RAB5B: variants seen among roughly 807,000 people sequenced by gnomAD.
RAB5B encodes the protein RAB5B, member RAS oncogene family, also known as ras-related protein Rab-5B.
A neutral mutation model predicts 28.6 loss-of-function variants in RAB5B; 11 were observed. The ratio of observed to expected loss-of-function variants is 0.38; its 90% CI spans 0.24 to 0.64. RAB5B has a LOEUF of 0.64. Among genes scored for constraint, RAB5B ranks in the 30% least tolerant of loss-of-function variants. RAB5B has a pLI of 0.53. For synonymous variants in RAB5B, 93 were observed against 97.9 expected (o/e 0.95, Z 0.29); for missense variants, 169 against 265.6 (o/e 0.64, Z 2.53).
At chr12:55,992,069 CT>C in intron 5 of RAB5B, 27 bp from the exon 6 acceptor site, 1 of 1,587,340 alleles carries the variant, frequency 6.3e-7, no homozygotes, top group Non-Finnish European at 8.6e-7. Flanking sequence ...GTCTACCATA[CT>C]TTGTTCTCTT....
At chr12:55,974,180 C>T (rs949833402) in intron 1 of RAB5B, 41 bp downstream of exon 1, 10 of 152,964 alleles carry the variant, frequency 6.5e-5, no homozygotes, top group African/African-American at 2.4e-4. Context: ...GGCGGAAGCG[C>T]CCGGGAGATG....
At chr12:55,985,589 T>G (rs1428546211) in intron 1 of RAB5B, 2 of 405,012 alleles carry the variant, frequency 4.9e-6, no homozygotes, top group African/African-American at 4.2e-5. Context: ...CTCTGTTCCC[T>G]GCCCCACCAG....
At position 55,995,621 on chromosome 12, in the gene RAB5B, A is replaced by G. The variant is rs1890265320; in HGVS notation, c.*3409A>G. Reference sequence around the variant, plus strand: ...TATGTGTGGTTGCAGTAGGCTTTAAATTCCAAAGAATCTGAAGGTGGATAG... The same window carrying G: ...TATGTGTGGTTGCAGTAGGCTTTAAGTTCCAAAGAATCTGAAGGTGGATAG... On this transcript the variant is annotated 3_prime_UTR_variant, in exon 6 of 6. Transcript: ENST00000360299. 1 of 152,200 alleles carries G rather than the reference A, an allele frequency of 6.6e-6. No homozygotes were observed. Among genetic ancestry groups the G allele is most frequent in the Non-Finnish European group, 1.5e-5 (1 of 68,042 alleles). The allele number at this position is 152,200 out of a possible 1,614,324, so 9.4% of individuals were successfully genotyped here. A position where few individuals can be genotyped will look rare whatever the true frequency, so the allele number is the denominator to read the frequency against.
intron 1 of RAB5B, among the ~76,000 whole-genome samples, chr12:55,979,680 G>A (rs1889745399): frequency 6.6e-6 from 1 of 152,122 alleles, no homozygotes; most frequent in Non-Finnish European, 1.5e-5. Flanking sequence ...GAAAGATATG[G>A]GACTGCATCC....
rs1308642464 is a variant in RAB5B, at chr12:55,993,972, C to T, written c.*1760C>T. 1 of 152,532 alleles carries T rather than the reference C, an allele frequency of 6.6e-6. No individual in the cohort carries two copies. The highest frequency in any genetic ancestry group is 1.5e-5 in the Non-Finnish European group (1 of 68,020). 9.4% of individuals were successfully genotyped at this position (152,532 alleles called of 1,614,324 possible). A position where few individuals can be genotyped will look rare whatever the true frequency, so the allele number is the denominator to read the frequency against. ...GAACTTTAAGTTCCTTGTTCCAGCC[C>T]GGAGTTTTGGGAAAGAAAGAAAGGA... On this transcript the variant is annotated 3_prime_UTR_variant, in exon 6 of 6. Coordinates refer to ENST00000360299, the MANE Select transcript of RAB5B (RefSeq NM_002868.4).
In RAB5B at chr12:55,985,192, A is replaced by G. The variant is rs367666445; in HGVS notation, c.-92-1677A>G. Among the ~76,000 whole-genome samples the G allele has an allele frequency of 2.6e-5, 4 of 152,272 alleles. No homozygotes were observed. The South Asian group carries it at 8.3e-4, about 32-fold the overall frequency. On this transcript the variant is annotated intron_variant, in intron 1 of 5. Transcript: ENST00000360299. ...TAGAGCTGAAAAACAAACGTGGAGA[A>G]TTGGACTCCAGAGCCTTTATTCCTC...
At chr12:55,982,513 C>T (rs546431586) in intron 1 of RAB5B, among the ~76,000 whole-genome samples, 2 of 151,986 alleles carry the variant, frequency 1.3e-5, no homozygotes, top group South Asian at 4.2e-4. Context: ...AGGCTGGTCT[C>T]AAACTCCTGG....
chr12:55,991,292 T>C, intron 4 of RAB5B, 68 bp from the exon 5 acceptor site: 1 of 1,218,990 alleles, frequency 8.2e-7, no homozygotes, highest in Non-Finnish European at 1.2e-6. Flanking sequence ...TTGTGCTGCA[T>C]GGGAGTGGAA....
At chr12:55,988,882 AATATTG>A (rs1890028303) in intron 2 of RAB5B, among the ~76,000 whole-genome samples, 1 of 151,532 alleles carries the variant, frequency 6.6e-6, no homozygotes, top group Non-Finnish European at 1.5e-5. Context: ...ACAGCCAAAT[AATATTG>A]ATAATGATGG....
At chr12:55,991,160 G>C in intron 4 of RAB5B, 200 bp from the exon 5 acceptor site, 1 of 560,782 alleles carries the variant, frequency 1.8e-6, no homozygotes, top group East Asian at 2.9e-5. Context: ...TCTGACATTT[G>C]TGTGTTGGAC....
chr12:55,991,031 T>C (rs1453391669), intron 4 of RAB5B: 3 of 559,792 alleles, frequency 5.4e-6, no homozygotes, highest in Non-Finnish European at 9.4e-6. Flanking sequence ...GTACCAGCTG[T>C]GGGGGTACCA....
chr12:55,983,600 G>A (rs1889867087), intron 1 of RAB5B, among the ~76,000 whole-genome samples: 1 of 149,236 alleles, frequency 6.7e-6, no homozygotes, highest in South Asian at 2.1e-4. Context: ...GGGACCTTGA[G>A]TTCTCACCTC....
In RAB5B at chr12:55,995,480, G is replaced by A. The variant is rs1218885469; in HGVS notation, c.*3268G>A. On this transcript the variant is annotated 3_prime_UTR_variant, in exon 6 of 6. Transcript: ENST00000360299. ...AAAACATCACTGAGTTAGTTTTCTTGTAGCTTCCACCTCAACGGGAAAATT... is the reference window on the plus strand; with the variant it reads ...AAAACATCACTGAGTTAGTTTTCTTATAGCTTCCACCTCAACGGGAAAATT... 1 of 152,188 alleles carries A rather than the reference G, an allele frequency of 6.6e-6. No individual in the cohort carries two copies. The highest frequency in any genetic ancestry group is 1.5e-5 in the Non-Finnish European group (1 of 68,044). 9.4% of individuals were successfully genotyped at this position (152,188 alleles called of 1,614,324 possible).
chr12:55,991,736 G>A, intron 5 of RAB5B: 1 of 405,408 alleles, frequency 2.5e-6, no homozygotes, highest in Non-Finnish European at 4.6e-6. Context: ...AGACCATCCT[G>A]GCCAATGTGG....
chr12:55,991,925 CAA>C (rs74520422), intron 5 of RAB5B, 170 bp from the exon 6 acceptor site: 6,218 of 462,230 alleles, frequency 0.013, no homozygotes, highest in Middle Eastern at 0.02. Context: ...GACTCCATCT[CAA>C]AAAAAAAAAA....
In RAB5B at chr12:55,996,003, A is replaced by ATATATATATATATATATATTTT; in HGVS notation, c.*3792_*3793insATATATATATATATATATTTTT. On this transcript the variant is annotated 3_prime_UTR_variant, in exon 6 of 6. Coordinates refer to ENST00000360299, the MANE Select transcript of RAB5B (RefSeq NM_002868.4). ...TATATACATATATATATATATATAT[A>ATATATATATATATATATATTTT]TTTTTTTTTTAACAACTGGTAGGAT... 3.2e-4 allele frequency: 31 copies of ATATATATATATATATATATTTT among 97,396 alleles called. 1 individual carries two copies. The highest frequency in any genetic ancestry group is 4.8e-4 in the Non-Finnish European group (24 of 50,474). The allele number at this position is 97,396 out of a possible 1,614,324, so 6.0% of individuals were successfully genotyped here.
intron 1 of RAB5B, among the ~76,000 whole-genome samples, chr12:55,980,258 T>C (rs571852327): frequency 1.3e-5 from 2 of 152,256 alleles, no homozygotes; most frequent in East Asian, 3.9e-4. Context: ...TCTCTTTTCC[T>C]TCTTTTCCTT....
At chr12:55,985,570 A>G in intron 1 of RAB5B, 1 of 358,518 alleles carries the variant, frequency 2.8e-6, no homozygotes, top group East Asian at 8.3e-5. Context: ...TCAAAGTCCC[A>G]ACTCTTCTCT....
chr12:55,992,783 GA>G lies in RAB5B; in HGVS notation c.*575del, dbSNP rs554630210. 4.4e-3 allele frequency: 1,317 copies of G among 299,426 alleles called. 10 individuals are homozygous for G. The highest frequency in any genetic ancestry group is 6.8e-3 in the Non-Finnish European group (1,084 of 158,660). The allele number at this position is 299,426 out of a possible 1,614,324, so 18.5% of individuals were successfully genotyped here. On this transcript the variant is annotated 3_prime_UTR_variant, in exon 6 of 6. Coordinates refer to ENST00000360299, the MANE Select transcript of RAB5B (RefSeq NM_002868.4). ...TATTTGGTTGGAGTTTCTCATATTT[GA>G]AAACATTGCGGTATCCATGATTTGG...
Sources: gnomAD v4.1 joint callset for allele counts (sites outside exome capture counted in the v4.1 genomes callset) on GRCh38, gnomAD v4.1.1 for gene constraint, MANE v1.5 for transcripts, NCBI Gene and HGNC (gene_info 2026-07-23, HGNC 2026-07-21) for gene names.